The following MUC3A variants were observed in gnomAD, a reference collection of about 807,000 sequenced individuals.
The protein encoded by MUC3A is mucin 3A, cell surface associated.
MUC3A carries 109 observed loss-of-function variants against 109.0 expected under a neutral mutation model. That is an observed-to-expected ratio of 1.00 (90% confidence interval 0.86 to 1.17). The LOEUF (loss-of-function observed/expected upper bound fraction) is 1.17, where lower values mean the gene tolerates loss of function less well. Ranked by LOEUF, MUC3A falls within the 50% of genes most tolerant of loss-of-function variation. MUC3A has a pLI of 0.00. For synonymous variants in MUC3A, 1,398 were observed against 981.4 expected, an observed-to-expected ratio of 1.42 and a Z score of -7.93; for missense variants, 3,537 against 2,469.4, an observed-to-expected ratio of 1.43 and a Z score of -9.16.
In MUC3A at chr7:100,957,846, A is replaced by G; in HGVS notation, c.6067A>G (p.Thr2023Ala). The change falls in exon 2 of 12, where the codon ACT becomes GCT. Residue 2023 changes from threonine (T) to alanine (A), a missense_variant. Transcript: ENST00000379458. ...ITTTETTSHN[T>A]PSLTSSITTT... ...CACCACTGAGACCACATCCCACAAT[A>G]CTCCCAGCTTGACTTCTTCGATCAC... 1 of 598,694 alleles carries G rather than the reference A, an allele frequency of 1.7e-6. No homozygotes were observed. Among genetic ancestry groups the G allele is most frequent in the South Asian group, 1.9e-5 (1 of 51,698 alleles). 37.1% of individuals were successfully genotyped at this position (598,694 alleles called of 1,614,324 possible).
intron 11 of MUC3A, 39 bp from the exon 12 acceptor site, chr7:100,967,082 G>A (rs762061147): frequency 1.2e-5 from 19 of 1,598,408 alleles, no homozygotes; most frequent in Admixed American, 1.7e-5. Flanking sequence ...GCCCAAACCA[G>A]TGGCTCCGCG....
Position 100,967,181 on chromosome 7 carries a change from A to G in MUC3A, c.*19A>G, listed in dbSNP as rs1162872461. The G allele has an allele frequency of 1.3e-6, 2 of 1,598,488 alleles. No homozygotes were observed. The highest frequency in any genetic ancestry group is 1.7e-6 in the Non-Finnish European group (2 of 1,179,784). ...AGTGTGAGCCCTGCGGGGCCCCTTCACCACCCCCTCCGCCCTGCCCCGGAC... is the reference window on the plus strand; with the variant it reads ...AGTGTGAGCCCTGCGGGGCCCCTTCGCCACCCCCTCCGCCCTGCCCCGGAC... On this transcript the variant is annotated 3_prime_UTR_variant, in exon 12 of 12. Coordinates refer to ENST00000379458, the MANE Select transcript of MUC3A (RefSeq NM_005960.2).
chr7:100,965,689 C>G lies in MUC3A; in HGVS notation c.9449-15C>G, dbSNP rs1379456300. On this transcript the variant is annotated splice_polypyrimidine_tract_variant and intron_variant, in intron 7 of 11. Coordinates refer to ENST00000379458, the MANE Select transcript of MUC3A (RefSeq NM_005960.2). Reference sequence around the variant, plus strand: ...GAGGTCCTTGTCTCTGTGCATCCCCCTCCCCAACCCCCAGCCATCTGCCGC... The same window carrying G: ...GAGGTCCTTGTCTCTGTGCATCCCCGTCCCCAACCCCCAGCCATCTGCCGC... The G allele has an allele frequency of 1.9e-6, 3 of 1,593,810 alleles. No individual in the cohort carries two copies. Among genetic ancestry groups the G allele is most frequent in the South Asian group, 2.2e-5 (2 of 90,366 alleles).
In MUC3A at chr7:100,964,584, A is replaced by G. The variant is rs1164397199; in HGVS notation, c.9234-111A>G. ...GATGCACGTGGCATCCCAACTCATGACCTCTGCTCCCTTCCCCCTTCTGGT... is the reference window on the plus strand; with the variant it reads ...GATGCACGTGGCATCCCAACTCATGGCCTCTGCTCCCTTCCCCCTTCTGGT... On this transcript the variant is annotated intron_variant, in intron 5 of 11. Coordinates refer to ENST00000379458, the MANE Select transcript of MUC3A (RefSeq NM_005960.2). 22 of 1,315,774 alleles carry G rather than the reference A, an allele frequency of 1.7e-5. No homozygotes were observed. In the East Asian group the frequency reaches 5.4e-4, roughly 33 times the overall value. The allele number at this position is 1,315,774 out of a possible 1,614,324, so 81.5% of individuals were successfully genotyped here.
Position 100,963,223 on chromosome 7 carries a change from C to T in MUC3A, c.9125C>T (p.Thr3042Ile), listed in dbSNP as rs1426972241. ...TTCTCGCCGGACCTCAATGACAACA[C>T]TTCCCAGGCCTACAGGGATTTCAAC... ...QQFSPDLNDNTSQAYRDFNKT... is the reference protein window; with the variant it reads ...QQFSPDLNDNISQAYRDFNKT... The change falls in exon 4 of 12, where the codon ACT (threonine) becomes ATT (isoleucine). Residue 3042 changes from threonine to isoleucine, a missense_variant. Transcript: ENST00000379458. 1.3e-6 allele frequency: 2 copies of T among 1,598,334 alleles called. No individual in the cohort carries two copies. Among genetic ancestry groups the T allele is most frequent in the Non-Finnish European group, 1.7e-6 (2 of 1,179,742 alleles).
chr7:100,956,046 TCTA>T lies in MUC3A; in HGVS notation c.4269_4271del (p.Thr1424del), dbSNP rs1792087799. The T allele has an allele frequency of 2.2e-6, 1 of 462,452 alleles. No homozygotes were observed. Among genetic ancestry groups the T allele is most frequent in the African/African-American group, 2.0e-5 (1 of 49,852 alleles). The allele number at this position is 462,452 out of a possible 1,614,324, so 28.6% of individuals were successfully genotyped here. A position where few individuals can be genotyped will look rare whatever the true frequency, so the allele number is the denominator to read the frequency against. On this transcript the variant is annotated inframe_deletion, in exon 2 of 12. Transcript: ENST00000379458. ...ACCACTCACCAGTAGCATTTTATCT[TCTA>T]CACCTGTCCCAAGCACAGAGGTGAC...
intron 1 of MUC3A, among the ~76,000 whole-genome samples, 200 bp downstream of exon 1, chr7:100,949,885 CA>C (rs1791886434): frequency 0.012 from 8 of 660 alleles, no homozygotes; most frequent in South Asian, 0.045. Context: ...GCTCCAGGTG[CA>C]GGGAAAACCG....
At position 100,965,056 on chromosome 7, in the gene MUC3A, C is replaced by A. The variant is rs587775622; in HGVS notation, c.9382+213C>A. On this transcript the variant is annotated intron_variant, in intron 6 of 11. Transcript: ENST00000379458. ...ACTGGGAAAGAGACCCCCTGATTGT[C>A]ATGGTCAGCATTTCCCGGATGGCTG... 23 of 1,101,684 alleles carry A rather than the reference C, an allele frequency of 2.1e-5. No homozygotes were observed. The South Asian group carries it at 3.7e-4, about 18-fold the overall frequency. 68.2% of individuals were successfully genotyped at this position (1,101,684 alleles called of 1,614,324 possible).
rs1456712386 is a variant in MUC3A, at chr7:100,952,238, C to T, written c.459C>T (p.Phe153=). The stretch of plus-strand genomic sequence containing the variant: ...GTGTGACCACGACGCAGGTGGCCTT[C>T]ACCAGCTCTTACACCTCGACTCCCG... ...SICVTTTQVA[F]TSSYTSTPVT... is the part of the protein sequence containing the mutation. The change falls in exon 2 of 12, where the codon TTC becomes TTT. Residue 153 remains phenylalanine, a synonymous_variant. Transcript: ENST00000379458. 3.1e-6 allele frequency: 5 copies of T among 1,598,400 alleles called. No homozygotes were observed. Among genetic ancestry groups the T allele is most frequent in the Non-Finnish European group, 4.2e-6 (5 of 1,179,786 alleles).
At chr7:100,966,134 G>A (rs1424366066) in intron 8 of MUC3A, 6 of 545,626 alleles carry the variant, frequency 1.1e-5, no homozygotes, top group African/African-American at 9.7e-5. Flanking sequence ...CCTCGTTCTA[G>A]GGTTGAACCC....
intron 5 of MUC3A, 39 bp downstream of exon 5, chr7:100,963,791 T>C: frequency 6.3e-7 from 1 of 1,598,104 alleles, no homozygotes; most frequent in Non-Finnish European, 8.5e-7. Flanking sequence ...CGGTGTTGGG[T>C]GGGGGAAATG....
chr7:100,965,229 CCTT>C, intron 6 of MUC3A, 50 bp from the exon 7 acceptor site: 3 of 1,592,720 alleles, frequency 1.9e-6, no homozygotes, highest in Non-Finnish European at 2.5e-6. Flanking sequence ...AACCCCTTGA[CCTT>C]AACCCCTTGA....
chr7:100,959,841 A>G lies in MUC3A; in HGVS notation c.8062A>G (p.Ile2688Val), dbSNP rs762906009. ...CATCATCTGGTCCTCAACACCCACT[A>G]TTATCATGTCCTCTTCTCCATCTTC... ...STIIWSSTPT[I>V]IMSSSPSSAS... is the part of the protein sequence containing the mutation. Residue 2688 changes from isoleucine to valine, a missense_variant, in exon 2 of 12, where the codon ATT (isoleucine) becomes GTT (valine). Coordinates refer to ENST00000379458, the MANE Select transcript of MUC3A (RefSeq NM_005960.2). The G allele has an allele frequency of 1.3e-6, 2 of 1,573,448 alleles. No homozygotes were observed. Among genetic ancestry groups the G allele is most frequent in the Admixed American group, 1.7e-5 (1 of 58,326 alleles).
At position 100,958,301 on chromosome 7, in the gene MUC3A, G is replaced by GCTTCATTTCTTTGATAACCACATC. The variant is rs1584803291; in HGVS notation, c.6522_6523insCTTCATTTCTTTGATAACCACATC (p.Arg2174_Trp2175insLeuHisPhePheAspAsnHisIle). The GCTTCATTTCTTTGATAACCACATC allele has an allele frequency of 7.5e-5, 1 of 13,276 alleles. No individual in the cohort carries two copies. Among genetic ancestry groups the GCTTCATTTCTTTGATAACCACATC allele is most frequent in the African/African-American group, 7.6e-4 (1 of 1,316 alleles). The allele number at this position is 13,276 out of a possible 1,614,324, so 0.8% of individuals were successfully genotyped here. On this transcript the variant is annotated inframe_insertion, in exon 2 of 12. Coordinates refer to ENST00000379458, the MANE Select transcript of MUC3A (RefSeq NM_005960.2). The stretch of plus-strand genomic sequence containing the variant: ...CCACCACGGAGACCACCTCACACAG[G>GCTTCATTTCTTTGATAACCACATC]TGGGGGACCACCGAGACCACATCCT...
rs761750720 is a variant in MUC3A, at chr7:100,959,257, C to G, written c.7478C>G (p.Thr2493Ser). The G allele has an allele frequency of 9.4e-6, 15 of 1,596,370 alleles. No homozygotes were observed. In the South Asian group the frequency reaches 1.5e-4, roughly 16 times the overall value. ...CCGACCACAAGCCTACGAACTCTCA[C>G]CCCTTCGTCTGTGGGCACCAGCACT... Reference protein sequence around the residue: ...DIPTTSLRTLTPSSVGTSTSL... With the variant: ...DIPTTSLRTLSPSSVGTSTSL... Residue 2493 changes from threonine to serine, a missense_variant, in exon 2 of 12, where the codon ACC (threonine) becomes AGC (serine). Transcript: ENST00000379458.
In MUC3A at chr7:100,952,126, C is replaced by CGGAG. The variant is rs1303847935; in HGVS notation, c.347_348insGGAG (p.Pro117GlufsTer12). 5 of 1,598,560 alleles carry CGGAG rather than the reference C, an allele frequency of 3.1e-6. No homozygotes were observed. The highest frequency in any genetic ancestry group is 4.2e-6 in the Non-Finnish European group (5 of 1,179,774). ...TTTGCCTTCAAGGTTGAAACCACTCCACCCACCGTGTTGGTCTATTCAGCC... is the reference window on the plus strand; with the variant it reads ...TTTGCCTTCAAGGTTGAAACCACTCCGGAGACCCACCGTGTTGGTCTATTCAGCC... On this transcript the variant is annotated frameshift_variant, in exon 2 of 12. Coordinates refer to ENST00000379458, the MANE Select transcript of MUC3A (RefSeq NM_005960.2). LOFTEE classifies it high-confidence loss of function.
chr7:100,960,321 A>C lies in MUC3A; in HGVS notation c.8542A>C (p.Ser2848Arg). The change falls in exon 2 of 12, where the codon AGT becomes CGT. Residue 2848 changes from serine (S) to arginine (R), a missense_variant. Coordinates refer to ENST00000379458, the MANE Select transcript of MUC3A (RefSeq NM_005960.2). ...GTCCAGCATCTCACCCAATGCTTCC[A>C]GTTCCACTGGCACTGGGACTGTACC... ...SESSISPNAS[S>R]STGTGTVPTN... The C allele has an allele frequency of 6.3e-7, 1 of 1,598,552 alleles. No homozygotes were observed. The highest frequency in any genetic ancestry group is 8.5e-7 in the Non-Finnish European group (1 of 1,179,830).
In MUC3A at chr7:100,960,928, G is replaced by C. The variant is rs1446075537; in HGVS notation, c.9043G>C (p.Val3015Leu). 1 of 1,598,542 alleles carries C rather than the reference G, an allele frequency of 6.3e-7. No homozygotes were observed. Among genetic ancestry groups the C allele is most frequent in the South Asian group, 1.1e-5 (1 of 91,092 alleles). ...GSSCEFAVEQ[V>L]DLDVVETEVG... Reference sequence around the variant, plus strand: ...CAGTTGTGAGTTTGCTGTGGAACAGGTGGATCTAGGTGAGTTGCCAGAGCT... The same window carrying C: ...CAGTTGTGAGTTTGCTGTGGAACAGCTGGATCTAGGTGAGTTGCCAGAGCT... Residue 3015 changes from valine to leucine, a missense_variant, in exon 3 of 12, where the codon GTG (valine) becomes CTG (leucine). Physicochemically the swap from Val to Leu is conservative, Grantham distance 32. Transcript: ENST00000379458.
At position 100,966,531 on chromosome 7, in the gene MUC3A, G is replaced by A. The variant is rs1792568811; in HGVS notation, c.9757G>A (p.Gly3253Arg). ...GCTGGGCGTCCGGGCGGTGCGCTCCGGATGGTGGGGCGGCCAGCGCCGAGG... is the reference window on the plus strand; with the variant it reads ...GCTGGGCGTCCGGGCGGTGCGCTCCAGATGGTGGGGCGGCCAGCGCCGAGG... ...LALGVRAVRSGWWGGQRRGRS... is the reference protein window; with the variant it reads ...LALGVRAVRSRWWGGQRRGRS... Residue 3253 changes from glycine (G) to arginine (R), a missense_variant, in exon 9 of 12, where the codon GGA becomes AGA. Coordinates refer to ENST00000379458, the MANE Select transcript of MUC3A (RefSeq NM_005960.2). 1.5e-6 allele frequency: 2 copies of A among 1,355,952 alleles called. No individual in the cohort carries two copies. The highest frequency in any genetic ancestry group is 9.4e-7 in the Non-Finnish European group (1 of 1,065,706). The allele number at this position is 1,355,952 out of a possible 1,614,324, so 84.0% of individuals were successfully genotyped here. A position where few individuals can be genotyped will look rare whatever the true frequency, so the allele number is the denominator to read the frequency against.
Sources: gnomAD v4.1 joint callset for allele counts (sites outside exome capture counted in the v4.1 genomes callset) on GRCh38, gnomAD v4.1.1 for gene constraint, MANE v1.5 for transcripts, NCBI Gene and HGNC (gene_info 2026-07-23, HGNC 2026-07-21) for gene names.